The following FAT1 variants were observed in gnomAD, a reference collection of about 807,000 sequenced individuals.
FAT1 encodes the protein protocadherin Fat 1.
A neutral mutation model predicts 329.8 loss-of-function variants in FAT1; 171 were observed. The observed-to-expected ratio is 0.52, with a 90% confidence interval of 0.46 to 0.59. FAT1 has a LOEUF of 0.59. Ranked by LOEUF, FAT1 falls within the 20% of genes least tolerant of loss-of-function variation. The probability of loss-of-function intolerance (pLI) is 0.00; values close to 1 mark genes in which losing one functional copy is unlikely to be tolerated. For synonymous variants in FAT1, 2,233 were observed against 2,228.6 expected, an observed-to-expected ratio of 1.00 and a Z score of -0.06; for missense variants, 5,672 against 5,774.4, an observed-to-expected ratio of 0.98 and a Z score of 0.57.
At chr4:186,717,503 G>C (rs992375100) in intron 1 of FAT1, among the ~76,000 whole-genome samples, 8 of 152,192 alleles carry the variant, frequency 5.3e-5, no homozygotes, top group African/African-American at 1.9e-4. Context: ...ATTTAACCCT[G>C]AGAATGGTCT....
intron 1 of FAT1, among the ~76,000 whole-genome samples, chr4:186,711,989 C>T (rs1339550990): frequency 2.0e-5 from 3 of 149,444 alleles, no homozygotes; most frequent in African/African-American, 7.7e-5. Flanking sequence ...TTTTAGGAGT[C>T]ACATTATGTT....
At position 186,589,197 on chromosome 4, in the gene FAT1, A is replaced by G; in HGVS notation, c.13162T>C (p.Trp4388Arg). The change falls in exon 27 of 27, where the codon TGG (tryptophan) becomes CGG (arginine). Residue 4388 changes from tryptophan to arginine, a missense_variant. Physicochemically the swap from Trp to Arg is moderately radical, Grantham distance 101. Coordinates refer to ENST00000441802, the MANE Select transcript of FAT1 (RefSeq NM_005245.4). ...TCCGGCAGAGGAACGCTTGGCATCC[A>G]ATCTGATGTATCCCAGTGATACCCT... ...DNGYHWDTSD[W>R]MPSVPLPDIQ... 1 of 1,612,946 alleles carries G rather than the reference A, an allele frequency of 6.2e-7. No individual in the cohort carries two copies. The highest frequency in any genetic ancestry group is 8.5e-7 in the Non-Finnish European group (1 of 1,179,412).
intron 20 of FAT1, chr4:186,601,783 C>T (rs1738830078): frequency 1.2e-5 from 2 of 168,760 alleles, no homozygotes; most frequent in South Asian, 3.7e-4. Flanking sequence ...AAACAATCCC[C>T]ATTCCCCAAA....
chr4:186,723,357 C>A (rs13124649), intron 1 of FAT1, among the ~76,000 whole-genome samples: 1 of 152,128 alleles, frequency 6.6e-6, no homozygotes, highest in Non-Finnish European at 1.5e-5. Context: ...GCGAGGCCGG[C>A]GCAGCCCGGC....
At position 186,609,958 on chromosome 4, in the gene FAT1, G is replaced by C; in HGVS notation, c.9911C>G (p.Thr3304Arg). ...CGTGCCTCCATCAGTGGCCTCTACT[G>C]TTAGGTAATACTCATGAGAGCTCTC... ...DYESSHEYYL[T>R]VEATDGGTPS... is the part of the protein sequence containing the mutation. The change falls in exon 15 of 27, where the codon ACA (threonine) becomes AGA (arginine). Residue 3304 changes from threonine to arginine, a missense_variant. Thr to Arg is a moderately conservative substitution (Grantham distance 71). This residue lies in a region of FAT1 where 1,706 missense variants were observed against 1,859.1 expected (regional missense o/e 0.92). Transcript: ENST00000441802. The C allele has an allele frequency of 6.2e-7, 1 of 1,613,478 alleles. No homozygotes were observed. The highest frequency in any genetic ancestry group is 8.5e-7 in the Non-Finnish European group (1 of 1,179,480).
In FAT1 at chr4:186,656,593, G is replaced by A. The variant is rs949476376; in HGVS notation, c.3580+6706C>T. On this transcript the variant is annotated intron_variant, in intron 3 of 26. Coordinates refer to ENST00000441802, the MANE Select transcript of FAT1 (RefSeq NM_005245.4). The stretch of plus-strand genomic sequence containing the variant: ...CGTCACAAACACACATCTGCCTTCC[G>A]GCCTTGCTGAGCAGGGTAAACTGAT... 2.7e-5 allele frequency among the ~76,000 whole-genome samples: 4 copies of A among 150,102 alleles called. 1 individual carries two copies. Among genetic ancestry groups the A allele is most frequent in the South Asian group, 4.1e-4 (2 of 4,820 alleles).
intron 1 of FAT1, among the ~76,000 whole-genome samples, chr4:186,710,893 C>A (rs1159152552): frequency 6.6e-6 from 1 of 152,176 alleles, no homozygotes; most frequent in Non-Finnish European, 1.5e-5. Context: ...GAAAACGTTG[C>A]CTTTAACAAT....
chr4:186,691,827 T>TA (rs995089664), intron 2 of FAT1, among the ~76,000 whole-genome samples: 10 of 151,618 alleles, frequency 6.6e-5, no homozygotes, highest in African/African-American at 1.9e-4. Flanking sequence ...AATAAAATAT[T>TA]AAAAAAAACA....
chr4:186,601,153 T>G, intron 21 of FAT1, 116 bp downstream of exon 21: 1 of 945,040 alleles, frequency 1.1e-6, no homozygotes, highest in Non-Finnish European at 1.5e-6. Flanking sequence ...TATTTAAATG[T>G]GGAATTCAAC....
intron 7 of FAT1, among the ~76,000 whole-genome samples, chr4:186,632,108 T>G (rs529638372): frequency 9.2e-5 from 14 of 152,332 alleles, no homozygotes; most frequent in African/African-American, 3.4e-4. Context: ...GCAATGAAAT[T>G]TAAGATATTT....
At chr4:186,656,026 G>A (rs1741883567) in intron 3 of FAT1, among the ~76,000 whole-genome samples, 1 of 152,260 alleles carries the variant, frequency 6.6e-6, no homozygotes, top group Non-Finnish European at 1.5e-5. Flanking sequence ...AGGTGGCAAA[G>A]GCCGAAGGCC....
intron 9 of FAT1, among the ~76,000 whole-genome samples, chr4:186,627,371 A>G (rs1560948681): frequency 6.6e-6 from 1 of 152,194 alleles, no homozygotes; most frequent in African/African-American, 2.4e-5. Flanking sequence ...ATCAGCCCAC[A>G]GAATGAATGA....
intron 26 of FAT1, among the ~76,000 whole-genome samples, chr4:186,593,192 C>G (rs982955155): frequency 6.6e-6 from 1 of 152,150 alleles, no homozygotes; most frequent in African/African-American, 2.4e-5. Context: ...GAAGGAGAAA[C>G]ATATGCAATC....
chr4:186,604,516 G>C lies in FAT1; in HGVS notation c.10409C>G (p.Ser3470Cys), dbSNP rs2126439592. 1 of 1,613,732 alleles carries C rather than the reference G, an allele frequency of 6.2e-7. No homozygotes were observed. The highest frequency in any genetic ancestry group is 1.1e-5 in the South Asian group (1 of 91,062). The change falls in exon 18 of 27, where the codon TCC (serine) becomes TGC (cysteine). Residue 3470 changes from serine (S) to cysteine (C), a missense_variant. Around this residue, in one of 2 missense-constraint regions of FAT1, gnomAD observed 1,706 missense variants for 1,859.1 expected, o/e 0.92. Coordinates refer to ENST00000441802, the MANE Select transcript of FAT1 (RefSeq NM_005245.4). ...LQLVVTDEDS[S>C]HNGPPFFFTI... ...AAAGAAGAAGGGTGGACCGTTATGGGAAGAATCCTCATCTGTTACTACCAG... is the reference window on the plus strand; with the variant it reads ...AAAGAAGAAGGGTGGACCGTTATGGCAAGAATCCTCATCTGTTACTACCAG...
intron 21 of FAT1, among the ~76,000 whole-genome samples, chr4:186,601,019 T>C (rs1470132039): frequency 6.6e-6 from 1 of 152,220 alleles, no homozygotes; most frequent in African/African-American, 2.4e-5. Flanking sequence ...GCCAACATTA[T>C]TAAAATGGGG....
Position 186,596,714 on chromosome 4 carries a change from A to T in FAT1, c.12826T>A (p.Ser4276Thr), listed in dbSNP as rs2126388820. 6.2e-7 allele frequency: 1 copy of T among 1,613,954 alleles called. No homozygotes were observed. The highest frequency in any genetic ancestry group is 8.5e-7 in the Non-Finnish European group (1 of 1,179,868). ...AATTCGGGATGCTCTGGGATAGCAGATCCTTCGAAGGAATTTCGGTCCAGA... is the reference window on the plus strand; with the variant it reads ...AATTCGGGATGCTCTGGGATAGCAGTTCCTTCGAAGGAATTTCGGTCCAGA... ...NNLDRNSFEG[S>T]AIPEHPEFST... The change falls in exon 25 of 27, where the codon TCT becomes ACT. Residue 4276 changes from serine (S) to threonine (T), a missense_variant. By Grantham distance (58) the Ser-to-Thr change is moderately conservative. Around this residue, in one of 2 missense-constraint regions of FAT1, gnomAD observed 1,706 missense variants for 1,859.1 expected, o/e 0.92. Coordinates refer to ENST00000441802, the MANE Select transcript of FAT1 (RefSeq NM_005245.4). The surrounding 1 kb of genome is among the most constrained non-coding windows in gnomAD (Gnocchi z 4.7).
At chr4:186,669,062 C>T (rs1219656763) in intron 2 of FAT1, among the ~76,000 whole-genome samples, 5 of 152,186 alleles carry the variant, frequency 3.3e-5, no homozygotes, top group African/African-American at 9.7e-5. Flanking sequence ...CACGACCTCA[C>T]CTTTTTGGGC....
intron 2 of FAT1, among the ~76,000 whole-genome samples, chr4:186,688,419 C>T (rs555971994): frequency 2.6e-5 from 4 of 152,238 alleles, no homozygotes; most frequent in African/African-American, 4.8e-5. Flanking sequence ...AAGGTAATCG[C>T]GGACCCCATG....
chr4:186,699,978 C>T (rs974703866), intron 2 of FAT1, among the ~76,000 whole-genome samples: 2 of 152,128 alleles, frequency 1.3e-5, no homozygotes, highest in Non-Finnish European at 2.9e-5. Context: ...CAACAAATTA[C>T]GAACACCCAA....
Sources: gnomAD v4.1 joint callset for allele counts (sites outside exome capture counted in the v4.1 genomes callset) on GRCh38, gnomAD v4.1.1 for gene constraint, gnomAD v4.1.1 regional missense constraint, Gnocchi (gnomAD v3.1) non-coding constraint, MANE v1.5 for transcripts, NCBI Gene and HGNC (gene_info 2026-07-23, HGNC 2026-07-21) for gene names.